Variants in MCM9 observed in about 807,000 individuals in gnomAD.
The protein encoded by MCM9 is minichromosome maintenance 9 homologous recombination repair factor, also known as DNA helicase MCM9.
A neutral mutation model predicts 72.8 loss-of-function variants in MCM9; 55 were observed. The observed-to-expected ratio is 0.76, with a 90% CI of 0.61 to 0.95. The LOEUF (loss-of-function observed/expected upper bound fraction) is 0.95, where lower values mean the gene tolerates loss of function less well. Ranked by LOEUF, MCM9 falls within the 40% of genes least tolerant of loss-of-function variation. MCM9 has a pLI of 0.00. For missense variants in MCM9, 1,279 were observed against 1,377.0 expected, an observed-to-expected ratio of 0.93 and a Z score of 1.13; for synonymous variants, 480 against 503.4, an observed-to-expected ratio of 0.95 and a Z score of 0.62.
chr6:118,843,716 A>ATGTATG (rs1241979417), intron 9 of MCM9, among the ~76,000 whole-genome samples: 2 of 79,692 alleles, frequency 2.5e-5, no homozygotes, highest in Non-Finnish European at 4.7e-5. Context: ...ATGTATATAT[A>ATGTATG]TATGTATATA....
chr6:118,840,760 C>G (rs546817101), intron 9 of MCM9, among the ~76,000 whole-genome samples: 13 of 102,914 alleles, frequency 1.3e-4, no homozygotes, highest in Middle Eastern at 9.1e-3. Flanking sequence ...TTTTTTGAGA[C>G]AGGGTCTTGC....
chr6:118,901,107 A>G (rs1779772657), intron 8 of MCM9: 1 of 421,486 alleles, frequency 2.4e-6, no homozygotes, highest in Non-Finnish European at 4.3e-6. Context: ...TTTACTTTAG[A>G]GAGATGAACA....
At chr6:118,853,606 C>A (rs1776365300) in intron 9 of MCM9, among the ~76,000 whole-genome samples, 1 of 152,032 alleles carries the variant, frequency 6.6e-6, no homozygotes, top group African/African-American at 2.4e-5. Context: ...TTGAGACCAG[C>A]CTGGGCAACA....
intron 8 of MCM9, among the ~76,000 whole-genome samples, chr6:118,873,749 C>T (rs1490725065): frequency 6.6e-6 from 1 of 152,140 alleles, no homozygotes; most frequent in Non-Finnish European, 1.5e-5. Flanking sequence ...AATACAGAGG[C>T]AGAGGGAATG....
chr6:118,814,938 G>A lies in MCM9; in HGVS notation c.3318C>T (p.Leu1106=), dbSNP rs2114484730. The change falls in exon 14 of 14, where the codon CTC becomes CTT. Residue 1106 remains leucine, a synonymous_variant. Coordinates refer to ENST00000619706, the MANE Select transcript of MCM9 (RefSeq NM_017696.3). ...MRVSKRKSFQ[L]RGSTEKLIVS... ...CAATCAGTTTCTCGGTGGACCCACGGAGCTGAAAAGATTTCCTTTTACTGA... is the reference window on the plus strand; with the variant it reads ...CAATCAGTTTCTCGGTGGACCCACGAAGCTGAAAAGATTTCCTTTTACTGA... 6.5e-7 allele frequency: 1 copy of A among 1,547,176 alleles called. No homozygotes were observed. Among genetic ancestry groups the A allele is most frequent in the Middle Eastern group, 1.7e-4 (1 of 5,988 alleles).
At chr6:118,856,601 G>T in intron 8 of MCM9, 56 bp from the exon 9 acceptor site, 1 of 1,511,082 alleles carries the variant, frequency 6.6e-7, no homozygotes, top group South Asian at 1.2e-5. Flanking sequence ...TATCTTGACT[G>T]GGCGCAGTGG....
intron 3 of MCM9, among the ~76,000 whole-genome samples, chr6:118,930,154 A>G (rs1358017263): frequency 1.3e-5 from 2 of 151,880 alleles, no homozygotes; most frequent in Admixed American, 6.6e-5. Context: ...TCTGTTGCCC[A>G]GGCTGGAGTG....
At chr6:118,930,146 T>C (rs1782275731) in intron 3 of MCM9, among the ~76,000 whole-genome samples, 1 of 152,124 alleles carries the variant, frequency 6.6e-6, no homozygotes, top group Non-Finnish European at 1.5e-5. Flanking sequence ...AGTCTCGCTC[T>C]GTTGCCCAGG....
intron 13 of MCM9, among the ~76,000 whole-genome samples, chr6:118,824,961 C>T (rs536032429): frequency 1.3e-5 from 2 of 152,318 alleles, no homozygotes; most frequent in South Asian, 4.1e-4. Flanking sequence ...GTCAAATACT[C>T]TTTCGTTTTT....
chr6:118,844,516 T>C (rs1474353619), intron 9 of MCM9, among the ~76,000 whole-genome samples: 1 of 151,308 alleles, frequency 6.6e-6, no homozygotes, highest in East Asian at 1.9e-4. Context: ...CTGTAAGTGA[T>C]ATTATGTCAA....
rs769501935 is a variant in MCM9, at chr6:118,894,400, G to A, written c.1150+17250C>T. On this transcript the variant is annotated intron_variant, in intron 8 of 13. Coordinates refer to ENST00000619706, the MANE Select transcript of MCM9 (RefSeq NM_017696.3). ...ACCAGCCCCAGTTCCCATTGTTTGT[G>A]TTTTTTTCAAAATATGGCAAAGGTT... 2.1e-5 allele frequency: 32 copies of A among 1,536,908 alleles called. No homozygotes were observed. In the South Asian group the frequency reaches 3.8e-4, roughly 18 times the overall value.
At chr6:118,826,009 A>T in intron 13 of MCM9, 138 bp downstream of exon 13, 2 of 853,354 alleles carry the variant, frequency 2.3e-6, no homozygotes, top group Non-Finnish European at 3.5e-6. Flanking sequence ...TCCTATAGAT[A>T]GTATCTGCCT....
rs569482138 is a variant in MCM9, at chr6:118,924,005, G to A, written c.427C>T (p.Arg143Trp). 2.1e-5 allele frequency: 34 copies of A among 1,614,098 alleles called. No individual in the cohort carries two copies. Among genetic ancestry groups the A allele is most frequent in the South Asian group, 5.5e-5 (5 of 91,076 alleles). The stretch of plus-strand genomic sequence containing the variant: ...TTGCATTTGTTACACATGTAATCCC[G>A]CTCAAACTCCAGAACCTTCACCAGA... ...TSLVKVLEFERDYMCNKCKHV... is the reference protein window; with the variant it reads ...TSLVKVLEFEWDYMCNKCKHV... Residue 143 changes from arginine to tryptophan, a missense_variant, in exon 4 of 14, where the codon CGG (arginine) becomes TGG (tryptophan). Physicochemically the swap from Arg to Trp is moderately radical, Grantham distance 101 (BLOSUM62 -3). Transcript: ENST00000619706.
At chr6:118,829,295 A>G in intron 9 of MCM9, 45 bp from the exon 10 acceptor site, 1 of 1,495,802 alleles carries the variant, frequency 6.7e-7, no homozygotes, top group African/African-American at 1.4e-5. Flanking sequence ...AGGTTCAGAT[A>G]AAATGCAAGA....
intron 8 of MCM9, among the ~76,000 whole-genome samples, chr6:118,859,555 G>A (rs1278701901): frequency 6.6e-6 from 1 of 152,146 alleles, no homozygotes; most frequent in Non-Finnish European, 1.5e-5. Context: ...AAACTTTTAT[G>A]TAAGAAAAAC....
intron 8 of MCM9, among the ~76,000 whole-genome samples, chr6:118,866,385 A>C (rs1777218963): frequency 6.6e-6 from 1 of 152,238 alleles, no homozygotes; most frequent in African/African-American, 2.4e-5. Flanking sequence ...AGTGAAGTGG[A>C]GATATGTGAT....
chr6:118,905,622 T>C, intron 8 of MCM9: 1 of 1,559,302 alleles, frequency 6.4e-7, no homozygotes, highest in African/African-American at 1.4e-5. Context: ...TTTGTGTGTG[T>C]GTGTTTCTTT....
chr6:118,894,407 T>C (rs1583572288), intron 8 of MCM9: 1 of 1,536,910 alleles, frequency 6.5e-7, no homozygotes, highest in South Asian at 1.2e-5. Flanking sequence ...TGTGTTTTTT[T>C]CAAAATATGG....
chr6:118,855,143 ATACT>A (rs1232375982), intron 9 of MCM9, among the ~76,000 whole-genome samples: 4 of 152,348 alleles, frequency 2.6e-5, no homozygotes, highest in Admixed American at 2.6e-4. Context: ...AACTTACAAC[ATACT>A]TACAGATAGC....
Sources: allele counts gnomAD v4.1 joint callset (sites outside exome capture counted in the v4.1 genomes callset), GRCh38; gene constraint gnomAD v4.1.1; transcripts MANE v1.5; gene names NCBI Gene and HGNC (gene_info 2026-07-23, HGNC 2026-07-21).